The following QTGAL variants were observed in gnomAD, a reference collection of about 807,000 sequenced individuals.
QTGAL encodes the protein BGnT-like protein 1.
chr17:82,987,961 T>C, the QTGAL span, among the ~76,000 whole-genome samples: 3 of 152,218 alleles, frequency 2.0e-5, no homozygotes, highest in Non-Finnish European at 2.9e-5. Context: ...CAGTGGTTTG[T>C]AGTTCTCCTT....
chr17:83,009,567 C>T, the QTGAL span, among the ~76,000 whole-genome samples: 1 of 152,238 alleles, frequency 6.6e-6, no homozygotes, highest in African/African-American at 2.4e-5. Flanking sequence ...AAGGTCAGGG[C>T]TGCTGGGGCT....
At chr17:82,991,630 C>A in the QTGAL span, among the ~76,000 whole-genome samples, 8 of 152,176 alleles carry the variant, frequency 5.3e-5, no homozygotes, top group Non-Finnish European at 1.0e-4. Flanking sequence ...ATGACAAATA[C>A]CTATCTCTGC....
chr17:82,953,664 T>G, the QTGAL span, among the ~76,000 whole-genome samples: 4 of 152,132 alleles, frequency 2.6e-5, no homozygotes, highest in African/African-American at 9.7e-5. Flanking sequence ...GAGGCCAGCA[T>G]CATCCTGATT....
At chr17:83,007,271 C>A in the QTGAL span, 1 of 985,200 alleles carries the variant, frequency 1.0e-6, no homozygotes. Context: ...GCTCTGGAGC[C>A]GCCGCCCTGC....
the QTGAL span, among the ~76,000 whole-genome samples, chr17:82,978,274 T>A: frequency 6.6e-6 from 1 of 152,152 alleles, no homozygotes; most frequent in Admixed American, 6.5e-5. The surrounding 1 kb of genome is among the most constrained non-coding windows in gnomAD (Gnocchi z 4.8). Flanking sequence ...CTCAGTTTGC[T>A]TCCTAATTTT....
At chr17:83,034,456 T>C in the QTGAL span, among the ~76,000 whole-genome samples, 7 of 152,358 alleles carry the variant, frequency 4.6e-5, no homozygotes, top group South Asian at 1.2e-3. Flanking sequence ...ATTTTTAAGG[T>C]TGTCTAATAA....
chr17:83,031,781 A>T, the QTGAL span, among the ~76,000 whole-genome samples: 66 of 152,358 alleles, frequency 4.3e-4, no homozygotes, highest in African/African-American at 1.5e-3. Context: ...AACCGTCCTC[A>T]GTTGCCAACG....
At chr17:82,942,901 G>C in the QTGAL span, 1 of 217,708 alleles carries the variant, frequency 4.6e-6, no homozygotes, top group Non-Finnish European at 9.1e-6. Context: ...AGAGATGAAT[G>C]TTAAATCAGA....
At chr17:82,983,586 T>TG in the QTGAL span, among the ~76,000 whole-genome samples, 17 of 152,172 alleles carry the variant, frequency 1.1e-4, no homozygotes, top group Non-Finnish European at 1.5e-4. Context: ...TGCCGACCTG[T>TG]GGCAGGTGCC....
chr17:83,009,981 A>G, the QTGAL span, among the ~76,000 whole-genome samples: 2 of 107,480 alleles, frequency 1.9e-5, no homozygotes, highest in East Asian at 3.0e-4. Context: ...GGGGGAAGGG[A>G]GCTGTGGAGG....
At chr17:83,034,988 C>T in the QTGAL span, 1 of 1,411,930 alleles carries the variant, frequency 7.1e-7, no homozygotes, top group Non-Finnish European at 9.8e-7. Flanking sequence ...AATTATTCAA[C>T]CAACATGTAC....
chr17:83,023,443 T>C, the QTGAL span, among the ~76,000 whole-genome samples: 17,477 of 140,020 alleles, frequency 0.12, 1,748 homozygotes, highest in Non-Finnish European at 0.18. Flanking sequence ...ATACAGCTGA[T>C]ACCAACATTC....
At chr17:82,952,517 C>T in the QTGAL span, among the ~76,000 whole-genome samples, 1 of 152,138 alleles carries the variant, frequency 6.6e-6, no homozygotes, top group Non-Finnish European at 1.5e-5. Context: ...GCTAACTATC[C>T]TAAATATACA....
the QTGAL span, among the ~76,000 whole-genome samples, chr17:83,035,556 CAGAG>C: frequency 0.1 from 15,167 of 151,898 alleles, 1,872 homozygotes; most frequent in African/African-American, 0.3. Flanking sequence ...AAAGGAAAGT[CAGAG>C]AGAGACAATA....
the QTGAL span, among the ~76,000 whole-genome samples, chr17:83,003,001 C>CTCCGCAG: frequency 1.5e-5 from 1 of 64,682 alleles, no homozygotes; most frequent in African/African-American, 6.4e-5. Context: ...CCCTCCCGCC[C>CTCCGCAG]TCCGCGTGTG....
At chr17:82,947,174 C>T in the QTGAL span, 4 of 538,056 alleles carry the variant, frequency 7.4e-6, 1 homozygote, top group South Asian at 1.0e-4. Flanking sequence ...GCTTGTACCA[C>T]AGGCCCTGTT....
chr17:83,018,615 T>C, the QTGAL span, among the ~76,000 whole-genome samples: 1 of 152,198 alleles, frequency 6.6e-6, no homozygotes, highest in South Asian at 2.1e-4. Context: ...TAAAATTGGA[T>C]AGAACGCCTC....
chr17:82,957,786 G>A, the QTGAL span, among the ~76,000 whole-genome samples: 1,650 of 152,264 alleles, frequency 0.011, 44 homozygotes, highest in African/African-American at 0.038. Flanking sequence ...TCTGTAGGAC[G>A]CAGAGGACTG....
At chr17:82,946,884 A>G in the QTGAL span, 2 of 1,554,038 alleles carry the variant, frequency 1.3e-6, no homozygotes, top group South Asian at 1.2e-5. Context: ...CCCACCTGGG[A>G]GCAGCTGCCA....
Sources: gnomAD v4.1 joint callset for allele counts (sites outside exome capture counted in the v4.1 genomes callset) on GRCh38, gnomAD v4.1.1 for gene constraint, Gnocchi (gnomAD v3.1) non-coding constraint, MANE v1.5 for transcripts, NCBI Gene and HGNC (gene_info 2026-07-23, HGNC 2026-07-21) for gene names.